GAS2: variants seen among roughly 807,000 people sequenced by gnomAD.
GAS2 encodes the protein growth arrest specific 2.
A neutral mutation model predicts 37.5 loss-of-function variants in GAS2; 20 were observed. The ratio of observed to expected loss-of-function variants is 0.53; its 90% confidence interval spans 0.37 to 0.77. GAS2 has a LOEUF of 0.77. Among genes scored for constraint, GAS2 ranks in the 30% least tolerant of loss-of-function variants. The pLI is 0.00. For missense variants in GAS2, 336 were observed against 373.4 expected (o/e 0.90, Z 0.82); for synonymous variants, 144 against 132.2 (o/e 1.09, Z -0.61).
chr11:22,646,970 G>A (rs1848703494), intron 1 of GAS2, among the ~76,000 whole-genome samples: 1 of 149,544 alleles, frequency 6.7e-6, no homozygotes, highest in African/African-American at 2.5e-5. Context: ...TGTGCACAAT[G>A]TGCAGGTTAG....
At chr11:22,730,132 G>A (rs1852403136) in intron 4 of GAS2, among the ~76,000 whole-genome samples, 1 of 151,644 alleles carries the variant, frequency 6.6e-6, no homozygotes, top group South Asian at 2.1e-4. Context: ...TATGATATAT[G>A]ATTAACATGA....
At chr11:22,800,724 C>T (rs11026797) in intron 7 of GAS2, among the ~76,000 whole-genome samples, 32,488 of 151,946 alleles carry the variant, frequency 0.21, 4,560 homozygotes, top group African/African-American at 0.4. Context: ...ATACGAATTA[C>T]GATTTCAAAC....
intron 5 of GAS2, among the ~76,000 whole-genome samples, chr11:22,740,863 G>A (rs2134242135): frequency 6.6e-6 from 1 of 152,286 alleles, no homozygotes; most frequent in African/African-American, 2.4e-5. Context: ...AGAACTAGAA[G>A]TGATTTTGGG....
At chr11:22,789,333 A>C (rs201266852) in intron 7 of GAS2, among the ~76,000 whole-genome samples, 30 of 87,646 alleles carry the variant, frequency 3.4e-4, no homozygotes, top group South Asian at 3.9e-4. Context: ...CACACACACA[A>C]ACACACACAC....
intron 7 of GAS2, among the ~76,000 whole-genome samples, chr11:22,781,941 G>A (rs1855574384): frequency 6.6e-6 from 1 of 151,958 alleles, no homozygotes; most frequent in Non-Finnish European, 1.5e-5. Context: ...CCATGCTTTC[G>A]GCCAAATTAA....
chr11:22,647,372 G>A (rs922111882), intron 1 of GAS2, among the ~76,000 whole-genome samples: 27 of 152,138 alleles, frequency 1.8e-4, no homozygotes, highest in South Asian at 6.2e-4. Context: ...GAATAATGCC[G>A]CAATAAACAT....
In GAS2 at chr11:22,749,258, T is replaced by G; in HGVS notation, c.612T>G (p.Asp204Glu). 1 of 1,610,526 alleles carries G rather than the reference T, an allele frequency of 6.2e-7. No individual in the cohort carries two copies. The highest frequency in any genetic ancestry group is 8.5e-7 in the Non-Finnish European group (1 of 1,178,466). ...AGAGTACAGGAAACTTACTGGATGA[T>G]GCAGTAAGTAAAATCAGTCAGACTT... ...GKKSTGNLLD[D>E]AVKRISEDPP... The change falls in exon 6 of 8, where the codon GAT becomes GAG. Residue 204 changes from aspartate (D) to glutamate (E), a missense_variant. By Grantham distance (45) the Asp-to-Glu change is conservative. Coordinates refer to ENST00000454584, the MANE Select transcript of GAS2 (RefSeq NM_001143830.3).
chr11:22,778,754 C>A (rs1461430717), intron 7 of GAS2, among the ~76,000 whole-genome samples: 1 of 152,158 alleles, frequency 6.6e-6, no homozygotes, highest in African/African-American at 2.4e-5. Flanking sequence ...TCCTCTATGC[C>A]TTATTTAATC....
Position 22,703,476 on chromosome 11 carries a change from A to G in GAS2, c.267+17687A>G, listed in dbSNP as rs150619525. 5.8e-4 allele frequency among the ~76,000 whole-genome samples: 88 copies of G among 152,316 alleles called. 1 individual carries two copies. Among genetic ancestry groups the G allele is most frequent in the Non-Finnish European group, 9.0e-4 (61 of 68,010 alleles). On this transcript the variant is annotated intron_variant, in intron 3 of 7. Transcript: ENST00000454584. ...GGAGAAACTCAAGTCGTTGGAACAA[A>G]TCAATAATGAATATGTATGCTATTT...
At chr11:22,735,787 A>G (rs1244607853) in intron 4 of GAS2, among the ~76,000 whole-genome samples, 1 of 151,860 alleles carries the variant, frequency 6.6e-6, no homozygotes, top group East Asian at 1.9e-4. Context: ...CATTGACACA[A>G]TTTAGTCAGT....
At chr11:22,670,094 C>T (rs1429734505) in intron 1 of GAS2, among the ~76,000 whole-genome samples, 4 of 152,082 alleles carry the variant, frequency 2.6e-5, no homozygotes, top group African/African-American at 9.7e-5. Flanking sequence ...GAAGGGTATT[C>T]GATTTGGAGC....
At chr11:22,690,689 G>A (rs1299816456) in intron 3 of GAS2, among the ~76,000 whole-genome samples, 2 of 152,142 alleles carry the variant, frequency 1.3e-5, no homozygotes, top group Non-Finnish European at 2.9e-5. Flanking sequence ...TTTAGGATGA[G>A]AAAACCAAAC....
chr11:22,717,347 C>G (rs1327996418), intron 3 of GAS2, among the ~76,000 whole-genome samples: 1 of 152,060 alleles, frequency 6.6e-6, no homozygotes, highest in Non-Finnish European at 1.5e-5. Context: ...AAGCCAAATA[C>G]TTACAGCCAG....
At chr11:22,663,581 T>C (rs1848940537), upstream of GAS2, among the ~76,000 whole-genome samples, 1 of 152,214 alleles carries the variant, frequency 6.6e-6, no homozygotes, top group Non-Finnish European at 1.5e-5. Context: ...TTAATATTTA[T>C]GCTACTGTTG....
upstream of GAS2, among the ~76,000 whole-genome samples, chr11:22,665,713 T>A (rs1384295025): frequency 2.0e-5 from 3 of 152,204 alleles, no homozygotes; most frequent in Non-Finnish European, 1.5e-5. Context: ...TAGAAGCAAA[T>A]AACTGATGCA....
intron 7 of GAS2, among the ~76,000 whole-genome samples, chr11:22,757,302 C>A (rs1220197007): frequency 6.6e-6 from 1 of 151,884 alleles, no homozygotes; most frequent in Non-Finnish European, 1.5e-5. Context: ...TTTTTATAGT[C>A]CTTACTATAT....
At chr11:22,740,061 T>G (rs1482294593) in intron 5 of GAS2, among the ~76,000 whole-genome samples, 1 of 152,186 alleles carries the variant, frequency 6.6e-6, no homozygotes, top group Admixed American at 6.6e-5. Context: ...GAAGACAAGC[T>G]GCCCAATTAG....
intron 7 of GAS2, among the ~76,000 whole-genome samples, chr11:22,759,140 A>C (rs1854228937): frequency 6.6e-6 from 1 of 152,162 alleles, no homozygotes; most frequent in Non-Finnish European, 1.5e-5. Context: ...CAGTAACAAC[A>C]ACTATGAATG....
At chr11:22,773,733 T>C (rs1191496784) in intron 7 of GAS2, among the ~76,000 whole-genome samples, 1 of 152,174 alleles carries the variant, frequency 6.6e-6, no homozygotes, top group African/African-American at 2.4e-5. Flanking sequence ...TGGCCCTTTC[T>C]ACTTGTTTTT....
Sources: allele counts gnomAD v4.1 joint callset (sites outside exome capture counted in the v4.1 genomes callset), GRCh38; gene constraint gnomAD v4.1.1; transcripts MANE v1.5; gene names NCBI Gene and HGNC (gene_info 2026-07-23, HGNC 2026-07-21).